The following FAM117B variants were observed in gnomAD, a reference collection of about 807,000 sequenced individuals.
FAM117B encodes the protein family with sequence similarity 117 member B.
A neutral mutation model predicts 52.8 loss-of-function variants in FAM117B; 22 were observed. The observed-to-expected ratio is 0.42, with a 90% CI of 0.30 to 0.59. The LOEUF is 0.59. FAM117B is among the 20% of genes least tolerant of loss of function. The pLI is 0.22. For synonymous variants in FAM117B, 309 were observed against 324.1 expected, an observed-to-expected ratio of 0.95 and a Z score of 0.50; for missense variants, 678 against 802.6, an observed-to-expected ratio of 0.84 and a Z score of 1.88.
intron 5 of FAM117B, 77 bp from the exon 6 acceptor site, chr2:202,757,136 A>G: frequency 1.5e-6 from 2 of 1,373,326 alleles, no homozygotes; most frequent in East Asian, 5.0e-5. Flanking sequence ...ACTATATGGG[A>G]AGGTTGACAT....
chr2:202,748,700 A>G (rs1475902045), intron 4 of FAM117B, among the ~76,000 whole-genome samples: 3 of 152,178 alleles, frequency 2.0e-5, no homozygotes, highest in Non-Finnish European at 4.4e-5. Context: ...GCCAACAAAT[A>G]TATATTTTAA....
rs754503035 is a variant in FAM117B at position 202,765,593 on chromosome 2, C to T, written c.1599C>T (p.Gly533=). The T allele has an allele frequency of 2.5e-6, 4 of 1,614,054 alleles. No homozygotes were observed. Among genetic ancestry groups the T allele is most frequent in the Non-Finnish European group, 3.4e-6 (4 of 1,180,050 alleles). Residue 533 remains glycine, a synonymous_variant, in exon 8 of 8, where the codon GGC becomes GGT. Transcript: ENST00000392238. ...PTPDLTLKGS[G]HSLTVTTGMT... ...CGGATCTTACACTCAAGGGCTCTGG[C>T]CACAGCCTGACAGTCACCACTGGCA...
intron 4 of FAM117B, among the ~76,000 whole-genome samples, chr2:202,731,831 G>A (rs1037861638): frequency 1.3e-5 from 2 of 151,962 alleles, no homozygotes; most frequent in African/African-American, 4.8e-5. Flanking sequence ...CGCCTACCAG[G>A]TTCAAGTGAT....
intron 1 of FAM117B, among the ~76,000 whole-genome samples, chr2:202,651,017 C>T (rs144343671): frequency 1.6e-3 from 238 of 151,784 alleles, no homozygotes; most frequent in African/African-American, 5.5e-3. Context: ...ATAACCGTCA[C>T]AGCTCATGAT....
intron 4 of FAM117B, among the ~76,000 whole-genome samples, chr2:202,746,130 A>G (rs1447789110): frequency 1.3e-5 from 2 of 152,204 alleles, no homozygotes; most frequent in Non-Finnish European, 2.9e-5. Context: ...TTTTCATCCA[A>G]TAGCTACAGA....
intron 2 of FAM117B, among the ~76,000 whole-genome samples, chr2:202,698,096 C>T (rs535624259): frequency 4.6e-5 from 7 of 152,278 alleles, no homozygotes; most frequent in African/African-American, 1.7e-4. Flanking sequence ...ATCTCGAACT[C>T]CTGACCTCAA....
intron 4 of FAM117B, among the ~76,000 whole-genome samples, chr2:202,753,402 A>C (rs988889930): frequency 6.6e-6 from 1 of 152,230 alleles, no homozygotes; most frequent in African/African-American, 2.4e-5. Context: ...ACCCAAAAGC[A>C]TAAAAACCCT....
intron 1 of FAM117B, among the ~76,000 whole-genome samples, chr2:202,686,321 A>G (rs1306205989): frequency 6.6e-6 from 1 of 152,256 alleles, no homozygotes; most frequent in African/African-American, 2.4e-5. Context: ...GTGGGAATGT[A>G]CACTGGGTAC....
At chr2:202,763,588 T>C (rs1200603021) in intron 7 of FAM117B, among the ~76,000 whole-genome samples, 1 of 152,170 alleles carries the variant, frequency 6.6e-6, no homozygotes, top group Non-Finnish European at 1.5e-5. Flanking sequence ...GTTCAGTGTA[T>C]TGAAAATCAT....
intron 2 of FAM117B, among the ~76,000 whole-genome samples, chr2:202,721,518 AAAT>A (rs919989456): frequency 2.6e-5 from 4 of 152,228 alleles, no homozygotes; most frequent in African/African-American, 9.6e-5. Context: ...AATGGAATGA[AAAT>A]AATAATAAAC....
chr2:202,746,682 A>G (rs1691638541), intron 4 of FAM117B, among the ~76,000 whole-genome samples: 1 of 152,200 alleles, frequency 6.6e-6, no homozygotes, highest in African/African-American at 2.4e-5. Flanking sequence ...CAGCCTACCA[A>G]GATTGAACCA....
In FAM117B at chr2:202,699,450, A is replaced by AG. The variant is rs1690765297; in HGVS notation, c.753+3418_753+3419insG. On this transcript the variant is annotated intron_variant, in intron 2 of 7. Transcript: ENST00000392238. Reference sequence around the variant, plus strand: ...TCAAAAAAAAAAAAAAAAAAAAAAGAAAAAAAAAAAAAAAGAAAGAAAGAA... The same window carrying AG: ...TCAAAAAAAAAAAAAAAAAAAAAAGAGAAAAAAAAAAAAAAGAAAGAAAGAA... Among the ~76,000 whole-genome samples the AG allele has an allele frequency of 9.6e-3, 743 of 77,606 alleles. 5 individuals are homozygous for AG. Among genetic ancestry groups the AG allele is most frequent in the African/African-American group, 0.045 (606 of 13,604 alleles). 50.9% of individuals were successfully genotyped at this position (77,606 alleles called of 152,430 possible). A position where few individuals can be genotyped will look rare whatever the true frequency, so the allele number is the denominator to read the frequency against.
intron 1 of FAM117B, among the ~76,000 whole-genome samples, chr2:202,665,732 C>T (rs1690195278): frequency 6.6e-6 from 1 of 152,174 alleles, no homozygotes; most frequent in East Asian, 1.9e-4. Flanking sequence ...TCCTGAGTAG[C>T]TGGGACTACA....
At chr2:202,679,623 G>T (rs1433984444) in intron 1 of FAM117B, among the ~76,000 whole-genome samples, 1 of 152,156 alleles carries the variant, frequency 6.6e-6, no homozygotes, top group African/African-American at 2.4e-5. Flanking sequence ...ACCCCAAAAG[G>T]GCCGTGCCTT....
chr2:202,693,241 A>G (rs899206240), intron 1 of FAM117B, among the ~76,000 whole-genome samples: 3 of 152,240 alleles, frequency 2.0e-5, no homozygotes, highest in African/African-American at 7.2e-5. Flanking sequence ...AGAAATGCCT[A>G]AATTAGTAAT....
intron 1 of FAM117B, among the ~76,000 whole-genome samples, chr2:202,643,102 G>A (rs1462968485): frequency 6.6e-6 from 1 of 152,192 alleles, no homozygotes; most frequent in Non-Finnish European, 1.5e-5. Flanking sequence ...AATCAAAGTG[G>A]AGGATGAGGA....
chr2:202,753,054 T>C (rs1691749922), intron 4 of FAM117B, among the ~76,000 whole-genome samples: 3 of 152,216 alleles, frequency 2.0e-5, no homozygotes, highest in Admixed American at 1.3e-4. Flanking sequence ...ACCCTGTATA[T>C]AGCCAAGACA....
chr2:202,675,393 C>G (rs1195154001), intron 1 of FAM117B, among the ~76,000 whole-genome samples: 1 of 129,304 alleles, frequency 7.7e-6, no homozygotes, highest in African/African-American at 3.0e-5. Context: ...TTGCCGTGAA[C>G]CAAGATTGTG....
chr2:202,723,226 G>A (rs1236920792), intron 2 of FAM117B, among the ~76,000 whole-genome samples: 1 of 152,192 alleles, frequency 6.6e-6, no homozygotes, highest in African/African-American at 2.4e-5. Flanking sequence ...TAGAATCACA[G>A]TGTCTTCATT....
Sources: allele counts gnomAD v4.1 joint callset (sites outside exome capture counted in the v4.1 genomes callset), GRCh38; gene constraint gnomAD v4.1.1; transcripts MANE v1.5; gene names NCBI Gene and HGNC (gene_info 2026-07-23, HGNC 2026-07-21).